The following MNAT1 variants were observed in gnomAD, a reference collection of about 807,000 sequenced individuals.
The protein encoded by MNAT1 is CDK-activating kinase assembly factor MAT1.
MNAT1 carries 43 observed loss-of-function variants against 42.0 expected under a neutral mutation model. That is an observed-to-expected ratio of 1.02 (90% confidence interval 0.80 to 1.32). The LOEUF (loss-of-function observed/expected upper bound fraction) is 1.32. Ranked by LOEUF, MNAT1 falls within the 40% of genes most tolerant of loss-of-function variation. The pLI is 0.00. For missense variants in MNAT1, 306 were observed against 350.4 expected (o/e 0.87, Z 1.01); for synonymous variants, 118 against 120.0 (o/e 0.98, Z 0.11).
At chr14:60,843,400 T>C (rs1267378074) in intron 6 of MNAT1, among the ~76,000 whole-genome samples, 1 of 152,008 alleles carries the variant, frequency 6.6e-6, no homozygotes, top group Non-Finnish European at 1.5e-5. Flanking sequence ...CCTCCCAAGC[T>C]GCTGGGATTA....
intron 7 of MNAT1, among the ~76,000 whole-genome samples, chr14:60,959,215 C>T (rs1011169824): frequency 6.6e-6 from 1 of 152,226 alleles, no homozygotes; most frequent in East Asian, 1.9e-4. Context: ...GCAGAGCAAG[C>T]TGCCGTGGTC....
chr14:60,792,056 G>A (rs1386403894), intron 1 of MNAT1, among the ~76,000 whole-genome samples: 1 of 152,114 alleles, frequency 6.6e-6, no homozygotes, highest in Non-Finnish European at 1.5e-5. Context: ...TGTATTTTGA[G>A]TTCCAAGTAG....
chr14:60,886,530 T>G lies in MNAT1; in HGVS notation c.809+6695T>G, dbSNP rs562052245. ...TTTGAAAAAGGCTAATGTAATGTTT[T>G]GATTACATTACATTAAAGGCTAATG... On this transcript the variant is annotated intron_variant, in intron 7 of 7. Coordinates refer to ENST00000261245, the MANE Select transcript of MNAT1 (RefSeq NM_002431.4). Among the ~76,000 whole-genome samples, 4 of 152,154 alleles carry G rather than the reference T, an allele frequency of 2.6e-5. No homozygotes were observed. The East Asian group carries it at 7.7e-4, about 29-fold the overall frequency.
At position 60,734,858 on chromosome 14, in the gene MNAT1, C is replaced by G. The variant is rs772088690; in HGVS notation, c.-5C>G. The G allele has an allele frequency of 6.2e-7, 1 of 1,613,902 alleles. No individual in the cohort carries two copies. ...CCTGCGAGAGTCTGTAGGAGGGAAA[C>G]CGCCATGGACGATCAGGGTTGCCCT... is the stretch of plus-strand genomic sequence containing the variant. On this transcript the variant is annotated 5_prime_UTR_variant, in exon 1 of 8. Coordinates refer to ENST00000261245, the MANE Select transcript of MNAT1 (RefSeq NM_002431.4). The surrounding 1 kb of genome is among the most constrained non-coding windows in gnomAD (Gnocchi z 4.3).
chr14:60,914,078 T>C (rs1163632947), intron 7 of MNAT1, among the ~76,000 whole-genome samples: 1 of 152,338 alleles, frequency 6.6e-6, no homozygotes, highest in Non-Finnish European at 1.5e-5. Context: ...CTCAGACTGC[T>C]GTGCTAGCAA....
chr14:60,793,545 T>C (rs939189937), intron 1 of MNAT1, among the ~76,000 whole-genome samples: 4 of 152,060 alleles, frequency 2.6e-5, no homozygotes, highest in African/African-American at 9.7e-5. Context: ...TTTAAATTTT[T>C]ATATTTTGTA....
intron 6 of MNAT1, among the ~76,000 whole-genome samples, chr14:60,865,684 CA>C (rs1291406495): frequency 6.6e-6 from 1 of 151,810 alleles, no homozygotes; most frequent in Non-Finnish European, 1.5e-5. Flanking sequence ...TATCAGTGCC[CA>C]AGGAAAAAAT....
At chr14:60,770,648 A>T (rs1208914369) in intron 1 of MNAT1, among the ~76,000 whole-genome samples, 3 of 152,158 alleles carry the variant, frequency 2.0e-5, no homozygotes, top group African/African-American at 7.2e-5. Context: ...TGAAATATTA[A>T]CCCAGCAGTG....
At chr14:60,851,763 C>T (rs1181657922) in intron 6 of MNAT1, among the ~76,000 whole-genome samples, 1 of 152,096 alleles carries the variant, frequency 6.6e-6, no homozygotes, top group Non-Finnish European at 1.5e-5. Flanking sequence ...CATGTGTTTT[C>T]ACTGTTCCGC....
intron 6 of MNAT1, among the ~76,000 whole-genome samples, chr14:60,852,103 T>G (rs1160628639): frequency 1.3e-5 from 2 of 152,162 alleles, no homozygotes; most frequent in Non-Finnish European, 2.9e-5. Flanking sequence ...CTTGAGGAAT[T>G]GCCACACTGT....
At chr14:60,873,916 T>C (rs79723087) in intron 6 of MNAT1, among the ~76,000 whole-genome samples, 1 of 152,206 alleles carries the variant, frequency 6.6e-6, no homozygotes, top group South Asian at 2.1e-4. Context: ...TGTTTACTTA[T>C]TGATTGAACA....
chr14:60,901,877 T>C (rs2035079282), intron 7 of MNAT1, among the ~76,000 whole-genome samples: 1 of 152,172 alleles, frequency 6.6e-6, no homozygotes, highest in Non-Finnish European at 1.5e-5. Flanking sequence ...GCTGTGAACA[T>C]TGTTGAAATG....
chr14:60,869,040 A>ATATATATATATATATTT (rs1465360826), intron 6 of MNAT1, among the ~76,000 whole-genome samples: 342 of 112,976 alleles, frequency 3.0e-3, no homozygotes, highest in African/African-American at 5.9e-3. Context: ...ATATATATAT[A>ATATATATATATATATTT]TTTTTTTTTT....
At chr14:60,908,373 A>C (rs182942766) in intron 7 of MNAT1, among the ~76,000 whole-genome samples, 3 of 151,980 alleles carry the variant, frequency 2.0e-5, no homozygotes, top group Admixed American at 2.0e-4. Flanking sequence ...TACAACGTGC[A>C]GGTTTGTTAC....
chr14:60,853,266 C>T (rs186073258), intron 6 of MNAT1, among the ~76,000 whole-genome samples: 235 of 152,030 alleles, frequency 1.5e-3, no homozygotes, highest in African/African-American at 5.3e-3. Flanking sequence ...TTCACGTCCC[C>T]CTTAAGTTAT....
intron 1 of MNAT1, among the ~76,000 whole-genome samples, chr14:60,791,663 C>G (rs1375889168): frequency 6.6e-6 from 1 of 152,124 alleles, no homozygotes; most frequent in Non-Finnish European, 1.5e-5. Flanking sequence ...TTAACTGGAT[C>G]CCGTGGCTAA....
intron 6 of MNAT1, among the ~76,000 whole-genome samples, chr14:60,821,772 A>G (rs1355758696): frequency 6.6e-6 from 1 of 152,138 alleles, no homozygotes; most frequent in African/African-American, 2.4e-5. Flanking sequence ...TTCCTTAAGG[A>G]CACAATGTGT....
chr14:60,794,651 A>AT, intron 1 of MNAT1, among the ~76,000 whole-genome samples: 1 of 96,718 alleles, frequency 1.0e-5, no homozygotes, highest in Admixed American at 1.3e-4. Flanking sequence ...AAAAAAAAAA[A>AT]AAAAAAAAAA....
intron 6 of MNAT1, among the ~76,000 whole-genome samples, chr14:60,869,862 T>C (rs963734047): frequency 6.6e-6 from 1 of 152,170 alleles, no homozygotes; most frequent in African/African-American, 2.4e-5. Context: ...GCATTCTAAA[T>C]GTGTGTTTCT....
Sources: gnomAD v4.1 joint callset for allele counts (sites outside exome capture counted in the v4.1 genomes callset) on GRCh38, gnomAD v4.1.1 for gene constraint, Gnocchi (gnomAD v3.1) non-coding constraint, MANE v1.5 for transcripts, NCBI Gene and HGNC (gene_info 2026-07-23, HGNC 2026-07-21) for gene names.